The following CD300LB variants were observed in gnomAD, a reference collection of about 807,000 sequenced individuals.
CD300LB encodes the protein CMRF35-like molecule 7.
CD300LB carries 18 observed loss-of-function variants against 20.8 expected under a neutral mutation model. The ratio of observed to expected loss-of-function variants is 0.87; its 90% confidence interval spans 0.60 to 1.28. The LOEUF is 1.28. Ranked by LOEUF, CD300LB falls within the 50% of genes most tolerant of loss-of-function variation. CD300LB has a pLI of 0.00. For synonymous variants in CD300LB, 91 were observed against 91.3 expected, an observed-to-expected ratio of 1.00 and a Z score of 0.02; for missense variants, 222 against 251.8, an observed-to-expected ratio of 0.88 and a Z score of 0.80.
chr17:74,522,442 C>T lies in CD300LB; in HGVS notation c.*296G>A, dbSNP rs1026722858. 58 of 1,117,798 alleles carry T rather than the reference C, an allele frequency of 5.2e-5. No individual in the cohort carries two copies. Among genetic ancestry groups the T allele is most frequent in the Admixed American group, 1.4e-4 (3 of 21,256 alleles). 69.2% of individuals were successfully genotyped at this position (1,117,798 alleles called of 1,614,324 possible). On this transcript the variant is annotated 3_prime_UTR_variant, in exon 4 of 4. Coordinates refer to ENST00000392621, the MANE Select transcript of CD300LB (RefSeq NM_174892.4). ...GTACTTTGGTCCCATGCTCTGTGCC[C>T]GAGTTATTCCAGCAGTGGGGACAGA...
At chr17:74,525,724 T>G (rs1263958818) in intron 2 of CD300LB, 24 bp downstream of exon 2, 1 of 1,603,430 alleles carries the variant, frequency 6.2e-7, no homozygotes, top group Non-Finnish European at 8.5e-7. Flanking sequence ...CAGGGCCTCC[T>G]TGTGTAGATG....
At position 74,521,818 on chromosome 17, in the gene CD300LB, T is replaced by A. The variant is rs1022457852; in HGVS notation, c.*920A>T. The A allele has an allele frequency of 7.1e-6, 7 of 985,396 alleles. No individual in the cohort carries two copies. Among genetic ancestry groups the A allele is most frequent in the Non-Finnish European group, 8.4e-6 (7 of 829,982 alleles). The allele number at this position is 985,396 out of a possible 1,614,324, so 61.0% of individuals were successfully genotyped here. On this transcript the variant is annotated 3_prime_UTR_variant, in exon 4 of 4. Coordinates refer to ENST00000392621, the MANE Select transcript of CD300LB (RefSeq NM_174892.4). Reference sequence around the variant, plus strand: ...CACAAAGTGACCACATTCAAGGGCCTCATCGCCGTGGGTGAAGCCTGTGAG... The same window carrying A: ...CACAAAGTGACCACATTCAAGGGCCACATCGCCGTGGGTGAAGCCTGTGAG...
chr17:74,525,677 A>T, intron 2 of CD300LB, 71 bp downstream of exon 2: 1 of 1,281,852 alleles, frequency 7.8e-7, no homozygotes, highest in Middle Eastern at 1.9e-4. Flanking sequence ...CTTGGAGGGG[A>T]GCAGGTAAGA....
In CD300LB at chr17:74,521,291, A is replaced by T; in HGVS notation, c.*1447T>A. The T allele has an allele frequency of 1.1e-6, 1 of 931,324 alleles. No individual in the cohort carries two copies. Among genetic ancestry groups the T allele is most frequent in the Non-Finnish European group, 1.3e-6 (1 of 780,536 alleles). The allele number at this position is 931,324 out of a possible 1,614,324, so 57.7% of individuals were successfully genotyped here. On this transcript the variant is annotated 3_prime_UTR_variant, in exon 4 of 4. Coordinates refer to ENST00000392621, the MANE Select transcript of CD300LB (RefSeq NM_174892.4). ...CCCTGAGTCCAGCTGGTGAAGCACC[A>T]TGCTTTGGCTTTCCCTCCCGCGGAG...
rs199687179 is a variant in CD300LB at position 74,525,895 on chromosome 17, G to A, written c.223C>T (p.Arg75Cys). The change falls in exon 2 of 4, where the codon CGT (arginine) becomes TGT (cysteine). Residue 75 changes from arginine to cysteine, a missense_variant. Coordinates refer to ENST00000392621, the MANE Select transcript of CD300LB (RefSeq NM_174892.4). Reference sequence around the variant, plus strand: ...TTCTGATTGTCCTTGATGGACACACGGTCACTCTTCTCTCCTTGCTCCGAC... The same window carrying A: ...TTCTGATTGTCCTTGATGGACACACAGTCACTCTTCTCTCCTTGCTCCGAC... ...RGSEQGEKSD[R>C]VSIKDNQKDR... is the part of the protein sequence containing the mutation. 27 of 1,614,082 alleles carry A rather than the reference G, an allele frequency of 1.7e-5. No homozygotes were observed. Among genetic ancestry groups the A allele is most frequent in the Admixed American group, 6.7e-5 (4 of 60,008 alleles).
At chr17:74,530,038 G>A (rs1406298857) in intron 1 of CD300LB, among the ~76,000 whole-genome samples, 1 of 152,202 alleles carries the variant, frequency 6.6e-6, no homozygotes, top group East Asian at 1.9e-4. Context: ...GTCAAGAGTT[G>A]GTATGAGGAA....
chr17:74,527,268 C>T (rs939520643), intron 1 of CD300LB, among the ~76,000 whole-genome samples: 1 of 152,046 alleles, frequency 6.6e-6, no homozygotes, highest in Non-Finnish European at 1.5e-5. Context: ...TAGATAGGCT[C>T]TTTCCTTGGC....
chr17:74,523,331 T>G, intron 3 of CD300LB: 1 of 566,764 alleles, frequency 1.8e-6, no homozygotes, highest in South Asian at 2.1e-5. Flanking sequence ...CAATGCAAGG[T>G]TGACTGATTG....
chr17:74,523,401 G>C (rs993488699), intron 3 of CD300LB, 178 bp downstream of exon 3: 48 of 620,574 alleles, frequency 7.7e-5, no homozygotes, highest in Non-Finnish European at 1.2e-4. Context: ...GTGAGAGCTA[G>C]AGTGGGGAGA....
In CD300LB at chr17:74,521,657, G is replaced by A. The variant is rs1393702730; in HGVS notation, c.*1081C>T. On this transcript the variant is annotated 3_prime_UTR_variant, in exon 4 of 4. Coordinates refer to ENST00000392621, the MANE Select transcript of CD300LB (RefSeq NM_174892.4). ...TACTCCCTATTAGAACCAAGAGCAG[G>A]TTGGAGGCGTCCTCATGGGTGTTCA... 1.0e-6 allele frequency: 1 copy of A among 985,372 alleles called. No homozygotes were observed. Among genetic ancestry groups the A allele is most frequent in the Non-Finnish European group, 1.2e-6 (1 of 829,998 alleles). 61.0% of individuals were successfully genotyped at this position (985,372 alleles called of 1,614,324 possible). A position where few individuals can be genotyped will look rare whatever the true frequency, so the allele number is the denominator to read the frequency against.
At chr17:74,527,145 C>G (rs1203792625) in intron 1 of CD300LB, among the ~76,000 whole-genome samples, 1 of 152,178 alleles carries the variant, frequency 6.6e-6, no homozygotes, top group East Asian at 1.9e-4. Context: ...TCTAGTGGAG[C>G]AATTGGATGT....
chr17:74,521,549 T>G lies in CD300LB; in HGVS notation c.*1189A>C. ...AAGTCAGAGAAAGTTTCTCTTTGGC[T>G]GAAGGACAAGAAGAGGGGAGGCTCT... On this transcript the variant is annotated 3_prime_UTR_variant, in exon 4 of 4. Coordinates refer to ENST00000392621, the MANE Select transcript of CD300LB (RefSeq NM_174892.4). The G allele has an allele frequency of 1.0e-6, 1 of 985,444 alleles. No individual in the cohort carries two copies. The highest frequency in any genetic ancestry group is 1.2e-6 in the Non-Finnish European group (1 of 829,938). The allele number at this position is 985,444 out of a possible 1,614,324, so 61.0% of individuals were successfully genotyped here. A position where few individuals can be genotyped will look rare whatever the true frequency, so the allele number is the denominator to read the frequency against.
At chr17:74,527,401 G>C (rs111794074) in intron 1 of CD300LB, among the ~76,000 whole-genome samples, 2,419 of 152,346 alleles carry the variant, frequency 0.016, 74 homozygotes, top group African/African-American at 0.054. Context: ...TCTGCAGGGT[G>C]GAGAAAGCCA....
intron 2 of CD300LB, among the ~76,000 whole-genome samples, chr17:74,525,044 T>G (rs1016073740): frequency 2.0e-4 from 31 of 152,202 alleles, no homozygotes; most frequent in African/African-American, 7.5e-4. Context: ...GAGTGGACAC[T>G]GAGCTGATGA....
intron 1 of CD300LB, among the ~76,000 whole-genome samples, chr17:74,529,239 C>T (rs375645317): frequency 1.3e-5 from 2 of 152,182 alleles, no homozygotes; most frequent in African/African-American, 2.4e-5. Context: ...GTCAGAACTT[C>T]ATCTGTGCCT....
intron 1 of CD300LB, among the ~76,000 whole-genome samples, chr17:74,530,350 T>G (rs1908166022): frequency 6.6e-6 from 1 of 152,202 alleles, no homozygotes; most frequent in South Asian, 2.1e-4. Context: ...CCTTCCCACT[T>G]TCCACCTGGG....
Position 74,522,241 on chromosome 17 carries a change from T to A in CD300LB, c.*497A>T. On this transcript the variant is annotated 3_prime_UTR_variant, in exon 4 of 4. Coordinates refer to ENST00000392621, the MANE Select transcript of CD300LB (RefSeq NM_174892.4). ...GGAACTCATCCCAGAATCACCCTCC[T>A]TGTGTGTGGGATCAGAGAGGTTTCC... 1 of 986,340 alleles carries A rather than the reference T, an allele frequency of 1.0e-6. No homozygotes were observed. Among genetic ancestry groups the A allele is most frequent in the Non-Finnish European group, 1.2e-6 (1 of 830,420 alleles). The allele number at this position is 986,340 out of a possible 1,614,324, so 61.1% of individuals were successfully genotyped here. A position where few individuals can be genotyped will look rare whatever the true frequency, so the allele number is the denominator to read the frequency against.
Position 74,521,822 on chromosome 17 carries a change from C to A in CD300LB, c.*916G>T. On this transcript the variant is annotated 3_prime_UTR_variant, in exon 4 of 4. Transcript: ENST00000392621. ...AAGTGACCACATTCAAGGGCCTCAT[C>A]GCCGTGGGTGAAGCCTGTGAGGAGA... 1 of 985,516 alleles carries A rather than the reference C, an allele frequency of 1.0e-6. No homozygotes were observed. The highest frequency in any genetic ancestry group is 1.2e-6 in the Non-Finnish European group (1 of 829,980). 61.0% of individuals were successfully genotyped at this position (985,516 alleles called of 1,614,324 possible).
Position 74,523,593 on chromosome 17 carries a change from G to A in CD300LB, c.429C>T (p.Ile143=), listed in dbSNP as rs1038060087. ...ACATGACTCACCTCTTGTGGGAGCCGATGAACACTGCCATATTGCTGTTGG... is the reference window on the plus strand; with the variant it reads ...ACATGACTCACCTCTTGTGGGAGCCAATGAACACTGCCATATTGCTGTTGG... ...SPTNSNMAVF[I]GSHKRNHYML... Residue 143 remains isoleucine (I), a synonymous_variant, in exon 3 of 4, where the codon ATC becomes ATT. Transcript: ENST00000392621. 1.9e-5 allele frequency: 31 copies of A among 1,612,186 alleles called. No homozygotes were observed. Among genetic ancestry groups the A allele is most frequent in the Non-Finnish European group, 2.3e-5 (27 of 1,178,378 alleles).
Sources: allele counts gnomAD v4.1 joint callset (sites outside exome capture counted in the v4.1 genomes callset), GRCh38; gene constraint gnomAD v4.1.1; transcripts MANE v1.5; gene names NCBI Gene and HGNC (gene_info 2026-07-23, HGNC 2026-07-21).